The following SMYD3 variants were observed in gnomAD, a reference collection of about 807,000 sequenced individuals.
SMYD3 encodes SET and MYND domain containing 3, also known as histone-lysine N-methyltransferase SMYD3.
Under a neutral mutation model 57.7 loss-of-function variants are expected in SMYD3, and 36 were observed. That is an observed-to-expected ratio of 0.62 (90% confidence interval 0.48 to 0.82). SMYD3 has a LOEUF of 0.82. SMYD3 is among the 40% of genes least tolerant of loss of function. The pLI, the probability that SMYD3 is intolerant of heterozygous loss-of-function variation, is 0.00. For missense variants in SMYD3, 515 were observed against 538.8 expected (o/e 0.96, Z 0.44); for synonymous variants, 211 against 195.0 (o/e 1.08, Z -0.68).
At chr1:245,945,099 C>T (rs1352321337) in intron 5 of SMYD3, among the ~76,000 whole-genome samples, 2 of 152,006 alleles carry the variant, frequency 1.3e-5, no homozygotes, top group African/African-American at 4.8e-5. Context: ...ATGAAGAAAA[C>T]ATCAAAAGCA....
At chr1:246,288,052 T>G (rs2148587643) in intron 5 of SMYD3, among the ~76,000 whole-genome samples, 1 of 137,110 alleles carries the variant, frequency 7.3e-6, no homozygotes, top group East Asian at 2.3e-4. Context: ...TGAAATGCCA[T>G]CAGGTAATTC....
At chr1:246,107,704 TCA>T (rs1321114640) in intron 5 of SMYD3, among the ~76,000 whole-genome samples, 3 of 152,220 alleles carry the variant, frequency 2.0e-5, no homozygotes, top group Non-Finnish European at 4.4e-5. Context: ...GGCAAATGAA[TCA>T]CTCTTCCAAA....
chr1:245,764,746 G>A (rs1041186515), intron 10 of SMYD3, among the ~76,000 whole-genome samples: 1 of 151,932 alleles, frequency 6.6e-6, no homozygotes, highest in Non-Finnish European at 1.5e-5. Flanking sequence ...CCCCATCTGC[G>A]TTCTCCATGA....
intron 1 of SMYD3, among the ~76,000 whole-genome samples, chr1:246,415,853 T>G (rs2102991572): frequency 6.6e-6 from 1 of 152,344 alleles, no homozygotes; most frequent in Non-Finnish European, 1.5e-5. Flanking sequence ...CCACTCAAAC[T>G]CTGATGTCAT....
intron 11 of SMYD3, among the ~76,000 whole-genome samples, chr1:245,758,160 C>T (rs754142741): frequency 1.8e-4 from 28 of 152,090 alleles, no homozygotes; most frequent in Admixed American, 2.6e-4. Flanking sequence ...TTGCAAATAG[C>T]ATTATTCTCT....
chr1:245,947,219 T>G (rs1046999711), intron 5 of SMYD3, among the ~76,000 whole-genome samples: 5 of 152,078 alleles, frequency 3.3e-5, no homozygotes, highest in South Asian at 2.1e-4. Flanking sequence ...GAGAGAGAGA[T>G]ATTCTCTCCT....
chr1:245,984,707 A>C (rs1327081476), intron 5 of SMYD3, among the ~76,000 whole-genome samples: 2 of 152,132 alleles, frequency 1.3e-5, no homozygotes, highest in African/African-American at 2.4e-5. Context: ...TGCTACACTG[A>C]TTATCCTCTC....
At chr1:246,314,361 T>A in intron 5 of SMYD3, among the ~76,000 whole-genome samples, 1 of 152,146 alleles carries the variant, frequency 6.6e-6, no homozygotes, top group East Asian at 1.9e-4. Context: ...AAATAAGAAC[T>A]CTGGAATGAA....
At chr1:246,443,815 T>C (rs1350159498) in intron 1 of SMYD3, among the ~76,000 whole-genome samples, 1 of 152,240 alleles carries the variant, frequency 6.6e-6, no homozygotes, top group African/African-American at 2.4e-5. Flanking sequence ...TTCACTCTTT[T>C]ACTTAATGAA....
At chr1:246,200,073 G>GAAGA (rs55663149) in intron 5 of SMYD3, among the ~76,000 whole-genome samples, 3 of 28,898 alleles carry the variant, frequency 1.0e-4, no homozygotes, top group Non-Finnish European at 1.4e-4. Context: ...CTGTGATAGA[G>GAAGA]TAGAGGAGAA....
chr1:246,146,327 T>C (rs561709817), intron 5 of SMYD3, among the ~76,000 whole-genome samples: 7 of 152,302 alleles, frequency 4.6e-5, no homozygotes, highest in African/African-American at 1.7e-4. Flanking sequence ...GACATTTGTA[T>C]ATCAAAGAAT....
intron 5 of SMYD3, among the ~76,000 whole-genome samples, chr1:246,001,050 G>A (rs978840142): frequency 1.3e-5 from 2 of 152,174 alleles, no homozygotes; most frequent in Non-Finnish European, 2.9e-5. Flanking sequence ...CTTCACTCAA[G>A]TCTTACGAAA....
rs1039410677 is a variant in SMYD3, at chr1:246,383,736, T to G, written c.165-28642A>C. ...CAGCACTTTGGGAGGCCGAGGTGGG[T>G]TGATCACTTGAGGTCAAGAGTTCTA... On this transcript the variant is annotated intron_variant, in intron 1 of 11. Transcript: ENST00000490107. 2.6e-5 allele frequency among the ~76,000 whole-genome samples: 4 copies of G among 152,134 alleles called. No homozygotes were observed. The East Asian group carries it at 7.7e-4, about 29-fold the overall frequency.
chr1:246,126,760 T>C (rs111279290), intron 5 of SMYD3, among the ~76,000 whole-genome samples: 8 of 152,318 alleles, frequency 5.3e-5, no homozygotes, highest in African/African-American at 1.9e-4. Context: ...TCCAAATATA[T>C]TCATTGCAAG....
rs1156393004 is a variant in SMYD3, at chr1:246,481,607, T to TATATATAC, written c.164+25446_164+25447insGTATATAT. On this transcript the variant is annotated intron_variant, in intron 1 of 11. Transcript: ENST00000490107. Reference sequence around the variant, plus strand: ...TTCTCAGGCTCCATATATATATATATACACATACATATATACATACATACA... The same window carrying TATATATAC: ...TTCTCAGGCTCCATATATATATATATATATATACACACATACATATATACATACATACA... 1.8e-4 allele frequency among the ~76,000 whole-genome samples: 11 copies of TATATATAC among 61,978 alleles called. 2 individuals carry two copies. The highest frequency in any genetic ancestry group is 1.4e-3 in the East Asian group (1 of 690). 40.7% of individuals were successfully genotyped at this position (61,978 alleles called of 152,430 possible). A position where few individuals can be genotyped will look rare whatever the true frequency, so the allele number is the denominator to read the frequency against.
chr1:245,830,165 G>T (rs2049750165), intron 10 of SMYD3, among the ~76,000 whole-genome samples: 1 of 152,162 alleles, frequency 6.6e-6, no homozygotes, highest in Admixed American at 6.5e-5. Context: ...GATATACTGA[G>T]AACTAGTGGA....
intron 1 of SMYD3, among the ~76,000 whole-genome samples, chr1:246,495,266 A>G (rs551537378): frequency 4.7e-4 from 69 of 147,746 alleles, no homozygotes; most frequent in African/African-American, 8.4e-4. Context: ...GGAGAATGGC[A>G]TGAACCCGGG....
rs12071004 is a variant in SMYD3 at position 246,203,026 on chromosome 1, G to A, written c.531+124175C>T. On this transcript the variant is annotated intron_variant, in intron 5 of 11. Coordinates refer to ENST00000490107, the MANE Select transcript of SMYD3 (RefSeq NM_001167740.2). The surrounding 1 kb of genome is among the most constrained non-coding windows in gnomAD (Gnocchi z 4.6). ...TATAATCCCAGCTACTCAGGAGGCT[G>A]AGACAGGAGAATCACTTCAACCTGG... 0.13 allele frequency among the ~76,000 whole-genome samples: 19,493 copies of A among 152,130 alleles called. 3,244 individuals carry two copies. The highest frequency in any genetic ancestry group is 0.38 in the African/African-American group (15,790 of 41,426).
intron 10 of SMYD3, among the ~76,000 whole-genome samples, chr1:245,781,916 A>T (rs748245815): frequency 2.5e-4 from 38 of 152,176 alleles, no homozygotes; most frequent in Non-Finnish European, 5.3e-4. Flanking sequence ...TTATAGCGAG[A>T]CAAGATTGTG....
Sources: allele counts gnomAD v4.1 joint callset (sites outside exome capture counted in the v4.1 genomes callset), GRCh38; gene constraint gnomAD v4.1.1; non-coding constraint Gnocchi (gnomAD v3.1); transcripts MANE v1.5; gene names NCBI Gene and HGNC (gene_info 2026-07-23, HGNC 2026-07-21).